Variants in HMCN1 observed in about 807,000 individuals in gnomAD.
HMCN1 encodes the protein hemicentin-1.
A neutral mutation model predicts 625.9 loss-of-function variants in HMCN1; 321 were observed. The ratio of observed to expected loss-of-function variants is 0.51; its 90% CI spans 0.47 to 0.56. HMCN1 has a LOEUF of 0.56. Among genes scored for constraint, HMCN1 ranks in the 20% least tolerant of loss-of-function variants. The pLI, the probability that HMCN1 is intolerant of heterozygous loss-of-function variation, is 0.00. For synonymous variants in HMCN1, 2,425 were observed against 2,417.6 expected (o/e 1.00, Z -0.09); for missense variants, 6,588 against 6,887.3 (o/e 0.96, Z 1.54).
intron 1 of HMCN1, among the ~76,000 whole-genome samples, chr1:185,745,187 A>G (rs964706845): frequency 6.6e-6 from 1 of 152,194 alleles, no homozygotes; most frequent in African/African-American, 2.4e-5. Context: ...CTCCTTATAC[A>G]TTAACTTATC....
chr1:186,092,679 C>A (rs1659904943), intron 64 of HMCN1, among the ~76,000 whole-genome samples: 1 of 151,806 alleles, frequency 6.6e-6, no homozygotes. Flanking sequence ...AAAATATAGC[C>A]ACATATGATA....
chr1:185,780,651 T>C (rs1241722206), intron 1 of HMCN1, among the ~76,000 whole-genome samples: 1 of 152,204 alleles, frequency 6.6e-6, no homozygotes, highest in East Asian at 1.9e-4. Context: ...GGATTACGTT[T>C]ATTTATTTTT....
intron 58 of HMCN1, among the ~76,000 whole-genome samples, chr1:186,086,774 G>T (rs1050519920): frequency 8.8e-5 from 11 of 125,006 alleles, no homozygotes; most frequent in African/African-American, 1.6e-4. Context: ...AGATAGATAG[G>T]TAGATAGATA....
At chr1:185,885,765 C>T (rs1664606597) in intron 4 of HMCN1, among the ~76,000 whole-genome samples, 1 of 151,706 alleles carries the variant, frequency 6.6e-6, no homozygotes, top group Non-Finnish European at 1.5e-5. Flanking sequence ...AATTATCTAC[C>T]CTGAATAAAG....
In HMCN1 at chr1:185,797,156, A is replaced by G. The variant is rs116012032; in HGVS notation, c.269-48870A>G. ...TTGTATGTCTTCATTTGCAAAATATATGTTCATGTCCTTTGCTCATTTTTG... is the reference window on the plus strand; with the variant it reads ...TTGTATGTCTTCATTTGCAAAATATGTGTTCATGTCCTTTGCTCATTTTTG... On this transcript the variant is annotated intron_variant, in intron 1 of 106. Transcript: ENST00000271588. Among the ~76,000 whole-genome samples, 854 of 152,242 alleles carry G rather than the reference A, an allele frequency of 5.6e-3. 7 individuals carry two copies. The highest frequency in any genetic ancestry group is 0.019 in the African/African-American group (809 of 41,542).
intron 2 of HMCN1, among the ~76,000 whole-genome samples, chr1:185,848,501 G>A (rs1661972575): frequency 6.6e-6 from 1 of 151,842 alleles, no homozygotes; most frequent in African/African-American, 2.4e-5. Flanking sequence ...GCTCCTTTTT[G>A]TTTTCTCATT....
chr1:185,806,424 T>C (rs1659172363), intron 1 of HMCN1, among the ~76,000 whole-genome samples: 1 of 151,916 alleles, frequency 6.6e-6, no homozygotes, highest in East Asian at 1.9e-4. Context: ...CACACATCTA[T>C]AGTCTTAAGC....
intron 1 of HMCN1, among the ~76,000 whole-genome samples, chr1:185,786,437 T>C (rs944384210): frequency 2.0e-5 from 3 of 152,188 alleles, no homozygotes; most frequent in Non-Finnish European, 4.4e-5. Flanking sequence ...TGTTTTGGGA[T>C]GAAAATACAT....
chr1:185,877,321 CTTTTTTTTTTTTTT>C (rs71557837), intron 4 of HMCN1, among the ~76,000 whole-genome samples: 14 of 34,910 alleles, frequency 4.0e-4, no homozygotes, highest in Admixed American at 4.9e-4. Context: ...ATGTGTCTTT[CTTTTTTTTTTTTTT>C]TTTTTTTTTT....
chr1:185,802,062 T>C (rs1658832423), intron 1 of HMCN1, among the ~76,000 whole-genome samples: 1 of 151,938 alleles, frequency 6.6e-6, no homozygotes, highest in South Asian at 2.1e-4. Context: ...AGGACTAAGG[T>C]TGTGGTTGAG....
chr1:186,015,901 A>G (rs1654334540), intron 31 of HMCN1, 57 bp from the exon 32 acceptor site: 2 of 1,461,170 alleles, frequency 1.4e-6, no homozygotes, highest in Non-Finnish European at 1.9e-6. Flanking sequence ...ATTTCATTAG[A>G]ATGTATTTTG....
intron 82 of HMCN1, among the ~76,000 whole-genome samples, chr1:186,126,229 G>A (rs1017313185): frequency 6.8e-6 from 1 of 147,814 alleles, no homozygotes; most frequent in African/African-American, 2.6e-5. Flanking sequence ...ATCAGAAGCA[G>A]TCATTAATAT....
intron 16 of HMCN1, 27 bp from the exon 17 acceptor site, chr1:185,980,951 G>A (rs1331327367): frequency 7.7e-7 from 1 of 1,290,990 alleles, no homozygotes; most frequent in South Asian, 1.2e-5. Flanking sequence ...GATGGTATTG[G>A]ATGAGTAAAT....
At chr1:185,964,035 A>G (rs1039922073) in intron 13 of HMCN1, 140 bp downstream of exon 13, 1 of 745,526 alleles carries the variant, frequency 1.3e-6, no homozygotes, top group African/African-American at 1.8e-5. Flanking sequence ...CACTGATTGA[A>G]GCAAATATTG....
chr1:185,991,418 C>T (rs766289200), intron 22 of HMCN1, among the ~76,000 whole-genome samples: 1 of 152,144 alleles, frequency 6.6e-6, no homozygotes, highest in South Asian at 2.1e-4. Context: ...TTTCTCCTCC[C>T]TCTTCCCAGG....
intron 71 of HMCN1, among the ~76,000 whole-genome samples, chr1:186,110,694 T>C (rs1300009836): frequency 6.6e-6 from 1 of 152,076 alleles, no homozygotes; most frequent in African/African-American, 2.4e-5. Flanking sequence ...GAGCAGTTTA[T>C]AGGACACGTT....
chr1:185,832,048 C>T (rs776642979), intron 1 of HMCN1, among the ~76,000 whole-genome samples: 8 of 152,148 alleles, frequency 5.3e-5, no homozygotes, highest in Non-Finnish European at 8.8e-5. Context: ...ATAATTCCAG[C>T]ACTTTGGGAG....
At chr1:185,976,890 T>C (rs1039497042) in intron 15 of HMCN1, among the ~76,000 whole-genome samples, 3 of 152,100 alleles carry the variant, frequency 2.0e-5, no homozygotes, top group Non-Finnish European at 4.4e-5. Flanking sequence ...GTTTCATCCA[T>C]TGCCTCCAAA....
chr1:186,151,871 A>G, intron 95 of HMCN1, 128 bp downstream of exon 95: 1 of 924,612 alleles, frequency 1.1e-6, no homozygotes, highest in East Asian at 2.5e-5. Context: ...AGTGATATAA[A>G]AGCAATTTCA....
Sources: allele counts gnomAD v4.1 joint callset (sites outside exome capture counted in the v4.1 genomes callset), GRCh38; gene constraint gnomAD v4.1.1; transcripts MANE v1.5; gene names NCBI Gene and HGNC (gene_info 2026-07-23, HGNC 2026-07-21).